Variants in TANC1 observed in about 807,000 individuals in gnomAD.
The protein encoded by TANC1 is tetratricopeptide repeat, ankyrin repeat and coiled-coil containing 1, also known as protein TANC1.
A neutral mutation model predicts 149.7 loss-of-function variants in TANC1; 77 were observed. That is an observed-to-expected ratio of 0.51 (90% CI 0.43 to 0.62). The LOEUF (loss-of-function observed/expected upper bound fraction) is 0.62, where lower values mean the gene tolerates loss of function less well. Ranked by LOEUF, TANC1 falls within the 20% of genes least tolerant of loss-of-function variation. TANC1 has a pLI of 0.00. For missense variants in TANC1, 1,985 were observed against 2,321.8 expected, an observed-to-expected ratio of 0.85 and a Z score of 2.98; for synonymous variants, 854 against 925.0, an observed-to-expected ratio of 0.92 and a Z score of 1.39.
intron 4 of TANC1, among the ~76,000 whole-genome samples, chr2:159,109,350 C>G (rs1220272417): frequency 1.3e-5 from 2 of 152,168 alleles, no homozygotes; most frequent in African/African-American, 4.8e-5. Flanking sequence ...ATGTTATGGA[C>G]TGCATGTTTA....
intron 1 of TANC1, among the ~76,000 whole-genome samples, chr2:158,980,374 C>G (rs1294416217): frequency 6.6e-6 from 1 of 151,836 alleles, no homozygotes. Context: ...AAATCGCAGA[C>G]ATCATGTAAT....
In TANC1 at chr2:159,108,686, G is replaced by A. The variant is rs73969439; in HGVS notation, c.259+10852G>A. ...ATCAGGTTTGCTGTGACAGGACTGC[G>A]CGTGCGTCTGCGTCTGTTGGCAGGG... On this transcript the variant is annotated intron_variant, in intron 4 of 26. Coordinates refer to ENST00000263635, the MANE Select transcript of TANC1 (RefSeq NM_033394.3). Among the ~76,000 whole-genome samples, 1,067 of 152,312 alleles carry A rather than the reference G, an allele frequency of 7.0e-3. 8 individuals are homozygous for A. The highest frequency in any genetic ancestry group is 0.024 in the African/African-American group (1,002 of 41,572).
At chr2:159,182,595 C>A (rs1220413150) in intron 14 of TANC1, among the ~76,000 whole-genome samples, 1 of 152,128 alleles carries the variant, frequency 6.6e-6, no homozygotes, top group Non-Finnish European at 1.5e-5. Flanking sequence ...GGTAGTTCAT[C>A]CTGTATAGTT....
intron 7 of TANC1, among the ~76,000 whole-genome samples, chr2:159,161,467 T>C (rs1172326260): frequency 1.3e-5 from 2 of 152,216 alleles, no homozygotes; most frequent in Non-Finnish European, 2.9e-5. Context: ...CACCACAATC[T>C]GTGTTATGGG....
At chr2:158,997,005 G>T (rs2036195493) in intron 1 of TANC1, among the ~76,000 whole-genome samples, 1 of 151,726 alleles carries the variant, frequency 6.6e-6, no homozygotes, top group Non-Finnish European at 1.5e-5. Context: ...AAATCTACCT[G>T]CTTTACAGAC....
intron 4 of TANC1, among the ~76,000 whole-genome samples, chr2:159,103,834 A>G (rs2046942291): frequency 1.0e-5 from 1 of 96,898 alleles, no homozygotes; most frequent in African/African-American, 2.9e-5. Context: ...GTCTTCTCTT[A>G]TGTCAGCCAG....
intron 4 of TANC1, among the ~76,000 whole-genome samples, chr2:159,109,523 T>G (rs1172716627): frequency 6.6e-6 from 1 of 152,228 alleles, no homozygotes; most frequent in Non-Finnish European, 1.5e-5. Flanking sequence ...GCTCTTTCTG[T>G]TAGCCATGTG....
chr2:159,117,887 G>A (rs2048446821), intron 4 of TANC1, among the ~76,000 whole-genome samples: 1 of 151,716 alleles, frequency 6.6e-6, no homozygotes, highest in African/African-American at 2.4e-5. Context: ...CTGGGCTGGT[G>A]TTTTGCAGGT....
At chr2:159,013,399 G>T (rs2037961631) in intron 2 of TANC1, among the ~76,000 whole-genome samples, 1 of 152,168 alleles carries the variant, frequency 6.6e-6, no homozygotes, top group Non-Finnish European at 1.5e-5. Flanking sequence ...TCTGTCCTGG[G>T]AACGAGTCCT....
intron 2 of TANC1, among the ~76,000 whole-genome samples, chr2:159,017,894 A>G (rs1353776795): frequency 6.6e-6 from 1 of 152,182 alleles, no homozygotes; most frequent in African/African-American, 2.4e-5. Flanking sequence ...AGAAAGAAAG[A>G]TGCCTTAGAA....
intron 19 of TANC1, among the ~76,000 whole-genome samples, chr2:159,213,913 G>A (rs1275892050): frequency 6.6e-6 from 1 of 151,998 alleles, no homozygotes; most frequent in African/African-American, 2.4e-5. Flanking sequence ...ATCACCTGAG[G>A]TCAGGAGTTC....
intron 4 of TANC1, among the ~76,000 whole-genome samples, chr2:159,105,140 G>T (rs264646): frequency 7.8e-5 from 11 of 141,208 alleles, no homozygotes. Context: ...GACTACAGGC[G>T]CCCACCACCA....
intron 2 of TANC1, among the ~76,000 whole-genome samples, chr2:159,018,944 GT>G (rs2038543853): frequency 6.6e-6 from 1 of 152,228 alleles, no homozygotes; most frequent in Non-Finnish European, 1.5e-5. Context: ...CATGAAGGTA[GT>G]AACATCTAAT....
chr2:159,097,910 T>A, intron 4 of TANC1, 76 bp downstream of exon 4: 1 of 1,227,950 alleles, frequency 8.1e-7, no homozygotes, highest in South Asian at 1.3e-5. Flanking sequence ...CTAGTGCCCA[T>A]GAGAAATCTT....
intron 3 of TANC1, among the ~76,000 whole-genome samples, chr2:159,079,854 T>A (rs2044079658): frequency 6.6e-6 from 1 of 152,232 alleles, no homozygotes; most frequent in Non-Finnish European, 1.5e-5. Context: ...AAAAAGTAAG[T>A]TTCCTTTGAA....
intron 1 of TANC1, among the ~76,000 whole-genome samples, chr2:158,977,681 C>G (rs1410206106): frequency 6.6e-6 from 1 of 151,430 alleles, no homozygotes; most frequent in Admixed American, 6.6e-5. Flanking sequence ...ATTTAAGTCA[C>G]TTAGAGTTAG....
At chr2:159,063,601 G>A (rs1036180967) in intron 2 of TANC1, among the ~76,000 whole-genome samples, 2 of 152,178 alleles carry the variant, frequency 1.3e-5, no homozygotes, top group Non-Finnish European at 2.9e-5. Context: ...AGTTGCTCCA[G>A]GTCGCAGTTT....
At chr2:159,227,717 G>T in intron 24 of TANC1, 102 bp from the exon 25 acceptor site, 1 of 1,295,616 alleles carries the variant, frequency 7.7e-7, no homozygotes, top group South Asian at 1.3e-5. Flanking sequence ...TCTGTCGTGG[G>T]TTTGCAGGGG....
chr2:159,173,537 G>A (rs945922508), intron 11 of TANC1, among the ~76,000 whole-genome samples: 2 of 152,180 alleles, frequency 1.3e-5, no homozygotes, highest in Non-Finnish European at 2.9e-5. Flanking sequence ...CTCAGGAGGC[G>A]GAGGCTGCAG....
Sources: gnomAD v4.1 joint callset for allele counts (sites outside exome capture counted in the v4.1 genomes callset) on GRCh38, gnomAD v4.1.1 for gene constraint, MANE v1.5 for transcripts, NCBI Gene and HGNC (gene_info 2026-07-23, HGNC 2026-07-21) for gene names.